The following SH3TC2 variants were observed in gnomAD, a reference collection of about 807,000 sequenced individuals.
SH3TC2 encodes SH3 domain and tetratricopeptide repeat-containing protein 2.
In SH3TC2, 87 loss-of-function variants were observed where a neutral mutation model predicts 124.5. The observed-to-expected ratio is 0.70, with a 90% CI of 0.59 to 0.84. SH3TC2 has a LOEUF of 0.84. SH3TC2 is among the 40% of genes least tolerant of loss of function. SH3TC2 has a pLI of 0.00. For missense variants in SH3TC2, 1,536 were observed against 1,566.4 expected (o/e 0.98, Z 0.33); for synonymous variants, 634 against 628.5 (o/e 1.01, Z -0.13).
chr5:149,027,480 G>C lies in SH3TC2; in HGVS notation c.2252C>G (p.Ala751Gly). 1.2e-6 allele frequency: 2 copies of C among 1,614,208 alleles called. No homozygotes were observed. Among genetic ancestry groups the C allele is most frequent in the Non-Finnish European group, 1.7e-6 (2 of 1,180,046 alleles). The change falls in exon 11 of 17, where the codon GCA becomes GGA. Residue 751 changes from alanine to glycine, a missense_variant. Coordinates refer to ENST00000515425, the MANE Select transcript of SH3TC2 (RefSeq NM_024577.4). Reference sequence around the variant, plus strand: ...CAGGGCCCTCTGGGTGCTCCGGTCTGCTAGTTCCTCACAGGCAGCCAGGGC... The same window carrying C: ...CAGGGCCCTCTGGGTGCTCCGGTCTCCTAGTTCCTCACAGGCAGCCAGGGC... ...RQALAACEEL[A>G]DRSTQRALCL...
At chr5:149,010,245 A>G in intron 14 of SH3TC2, 25 bp downstream of exon 14, 1 of 1,614,102 alleles carries the variant, frequency 6.2e-7, no homozygotes, top group Non-Finnish European at 8.5e-7. Flanking sequence ...GACCTGTCTC[A>G]GCAAACTGCA....
Position 149,038,476 on chromosome 5 carries a change from T to C in SH3TC2, c.820A>G (p.Lys274Glu). 1 of 1,614,044 alleles carries C rather than the reference T, an allele frequency of 6.2e-7. No individual in the cohort carries two copies. The highest frequency in any genetic ancestry group is 1.3e-5 in the African/African-American group (1 of 75,038). The change falls in exon 8 of 17, where the codon AAG becomes GAG. Residue 274 changes from lysine (K) to glutamate (E), a missense_variant. By Grantham distance (56) the Lys-to-Glu change is moderately conservative (BLOSUM62 1). Coordinates refer to ENST00000515425, the MANE Select transcript of SH3TC2 (RefSeq NM_024577.4). ...GSYQIGRGRC[K>E]ALTGYEPGEK... ...CCTGGCTCATAACCCGTCAAGGCCT[T>C]ACAGCGTCCTCTGCCTGTGGAAAAT... is the stretch of plus-strand genomic sequence containing the variant.
At position 149,010,403 on chromosome 5, in the gene SH3TC2, C is replaced by G. The variant is rs767655702; in HGVS notation, c.3205-11G>C. ...TGTCTGGATGGCTGCCTAGGTGGGA[C>G]AGAGACAGCTGTTAAAGGCAGAGAG... On this transcript the variant is annotated splice_polypyrimidine_tract_variant and intron_variant, in intron 13 of 16. Coordinates refer to ENST00000515425, the MANE Select transcript of SH3TC2 (RefSeq NM_024577.4). 6.8e-6 allele frequency: 11 copies of G among 1,613,550 alleles called. No individual in the cohort carries two copies. Among genetic ancestry groups the G allele is most frequent in the African/African-American group, 1.3e-5 (1 of 74,910 alleles).
At chr5:149,016,709 A>G (rs1753878699) in intron 12 of SH3TC2, among the ~76,000 whole-genome samples, 1 of 152,104 alleles carries the variant, frequency 6.6e-6, no homozygotes, top group Non-Finnish European at 1.5e-5. Flanking sequence ...GCGGATCACG[A>G]GGTCAGGAGA....
chr5:149,049,342 G>A (rs538000167), intron 2 of SH3TC2, among the ~76,000 whole-genome samples: 17 of 152,204 alleles, frequency 1.1e-4, no homozygotes, highest in Non-Finnish European at 2.4e-4. Context: ...GAGGGGTCAC[G>A]CAGTCTCCAG....
rs1299916015 is a variant in SH3TC2, at chr5:149,031,632, C to G, written c.1057G>C (p.Gly353Arg). The G allele has an allele frequency of 6.2e-7, 1 of 1,614,060 alleles. No homozygotes were observed. The highest frequency in any genetic ancestry group is 8.5e-7 in the Non-Finnish European group (1 of 1,180,006). ...DEERCSLLALGSDKQTECSSF... is the reference protein window; with the variant it reads ...DEERCSLLALRSDKQTECSSF... ...GAACACTCAGTCTGCTTATCACTTC[C>G]CAGGGCCAACAGGGAGCATCTCTCC... is the stretch of plus-strand genomic sequence containing the variant. Residue 353 changes from glycine (G) to arginine (R), a missense_variant, in exon 9 of 17, where the codon GGA (glycine) becomes CGA (arginine). Coordinates refer to ENST00000515425, the MANE Select transcript of SH3TC2 (RefSeq NM_024577.4).
At chr5:149,035,400 A>T (rs949750974) in intron 8 of SH3TC2, 3 of 152,576 alleles carry the variant, frequency 2.0e-5, no homozygotes, top group African/African-American at 4.8e-5. Flanking sequence ...TACACGGAGA[A>T]GATGGAGACT....
At chr5:149,010,507 C>G in intron 13 of SH3TC2, 115 bp from the exon 14 acceptor site, 1 of 1,419,470 alleles carries the variant, frequency 7.0e-7, no homozygotes, top group Non-Finnish European at 9.6e-7. Context: ...GCTAAAGTCC[C>G]CCAAATCCTA....
Position 149,001,000 on chromosome 5 carries a change from G to T in SH3TC2, c.*3711C>A, listed in dbSNP as rs920945980. Among the ~76,000 whole-genome samples the T allele has an allele frequency of 6.6e-6, 1 of 152,082 alleles. No individual in the cohort carries two copies. Among genetic ancestry groups the T allele is most frequent in the African/African-American group, 2.4e-5 (1 of 41,414 alleles). ...TGTAGAGGTTAAGTGACTTGCCCAA[G>T]GTCGCACTGCAATTTAATATCAAAA... On this transcript the variant is annotated 3_prime_UTR_variant, in exon 17 of 17. Coordinates refer to ENST00000515425, the MANE Select transcript of SH3TC2 (RefSeq NM_024577.4).
Position 149,012,593 on chromosome 5 carries a change from C to G in SH3TC2, c.3195G>C (p.Leu1065=), listed in dbSNP as rs752829448. ...YLMQEDELVE[L]CLQAAIQTAL... Reference sequence around the variant, plus strand: ...TCTGCAGGAGGCCTACCTGCAGGCACAGCTCCACCAGCTCGTCTTCCTGCA... The same window carrying G: ...TCTGCAGGAGGCCTACCTGCAGGCAGAGCTCCACCAGCTCGTCTTCCTGCA... The change falls in exon 13 of 17, where the codon CTG becomes CTC. Residue 1065 remains leucine (L), a synonymous_variant. Coordinates refer to ENST00000515425, the MANE Select transcript of SH3TC2 (RefSeq NM_024577.4). 1.9e-6 allele frequency: 3 copies of G among 1,614,152 alleles called. No homozygotes were observed. Among genetic ancestry groups the G allele is most frequent in the Non-Finnish European group, 1.7e-6 (2 of 1,180,018 alleles).
intron 14 of SH3TC2, among the ~76,000 whole-genome samples, chr5:149,009,395 T>A (rs1312063928): frequency 8.0e-6 from 1 of 124,502 alleles, no homozygotes; most frequent in Non-Finnish European, 1.8e-5. Context: ...AAAGTGGTCA[T>A]TTCTATGTTT....
Position 149,026,896 on chromosome 5 carries a change from C to G in SH3TC2, c.2836G>C (p.Ala946Pro). The G allele has an allele frequency of 6.2e-7, 1 of 1,614,174 alleles. No homozygotes were observed. Among genetic ancestry groups the G allele is most frequent in the Non-Finnish European group, 8.5e-7 (1 of 1,180,034 alleles). Residue 946 changes from alanine to proline, a missense_variant, in exon 11 of 17, where the codon GCA becomes CCA. Ala to Pro is a conservative substitution (Grantham distance 27). Coordinates refer to ENST00000515425, the MANE Select transcript of SH3TC2 (RefSeq NM_024577.4). ...LTHGLLCYEMALLFGLRHRHL... is the reference protein window; with the variant it reads ...LTHGLLCYEMPLLFGLRHRHL... ...CGATGCCTTAAGCCAAACAGCAATGCCATTTCATAACAAAGAAGGCCATGG... is the reference window on the plus strand; with the variant it reads ...CGATGCCTTAAGCCAAACAGCAATGGCATTTCATAACAAAGAAGGCCATGG...
At chr5:149,037,197 T>C (rs1352546909) in intron 8 of SH3TC2, among the ~76,000 whole-genome samples, 1 of 152,220 alleles carries the variant, frequency 6.6e-6, no homozygotes, top group East Asian at 1.9e-4. Context: ...CTCACTTTCC[T>C]ACCTATGACC....
intron 8 of SH3TC2, chr5:149,036,063 A>G (rs1028966951): frequency 2.0e-5 from 3 of 152,176 alleles, no homozygotes; most frequent in Non-Finnish European, 4.4e-5. Context: ...CTTTGTGTGT[A>G]TTATTAGCTC....
intron 1 of SH3TC2, among the ~76,000 whole-genome samples, chr5:149,061,392 T>A (rs765522255): frequency 6.6e-6 from 1 of 152,060 alleles, no homozygotes; most frequent in Non-Finnish European, 1.5e-5. Context: ...AACCCTAAAA[T>A]TGTATATATG....
At chr5:149,048,107 T>C in intron 2 of SH3TC2, 118 bp from the exon 3 acceptor site, 1 of 1,400,352 alleles carries the variant, frequency 7.1e-7, no homozygotes, top group Non-Finnish European at 1.0e-6. Context: ...GGTGTCCTCA[T>C]TAGTTACAGA....
chr5:149,015,019 G>A (rs763047263), intron 12 of SH3TC2, among the ~76,000 whole-genome samples: 6 of 152,162 alleles, frequency 3.9e-5, no homozygotes, highest in Admixed American at 1.3e-4. Context: ...ACAAGATTTA[G>A]GTTATTACAG....
rs146901634 is a variant in SH3TC2, at chr5:149,001,165, AAC to A, written c.*3544_*3545del. Among the ~76,000 whole-genome samples the A allele has an allele frequency of 4.0e-5, 6 of 151,516 alleles. No individual in the cohort carries two copies. The highest frequency in any genetic ancestry group is 1.4e-4 in the African/African-American group (6 of 41,398). ...TATATTTACAAAGAGGAAGAAAATG[AAC>A]ACACACACACACACATACATATATA... On this transcript the variant is annotated 3_prime_UTR_variant, in exon 17 of 17. Coordinates refer to ENST00000515425, the MANE Select transcript of SH3TC2 (RefSeq NM_024577.4).
At chr5:149,010,212 G>A in intron 14 of SH3TC2, 58 bp downstream of exon 14, 1 of 1,613,226 alleles carries the variant, frequency 6.2e-7, no homozygotes, top group Non-Finnish European at 8.5e-7. Context: ...AGTCCAGCCT[G>A]ACCCTTCCCA....
Sources: allele counts gnomAD v4.1 joint callset (sites outside exome capture counted in the v4.1 genomes callset), GRCh38; gene constraint gnomAD v4.1.1; transcripts MANE v1.5; gene names NCBI Gene and HGNC (gene_info 2026-07-23, HGNC 2026-07-21).